EML4: variants seen among roughly 807,000 people sequenced by gnomAD.
EML4 encodes the protein EMAP like 4.
In EML4, 72 loss-of-function variants were observed where a neutral mutation model predicts 129.0. The observed-to-expected ratio is 0.56, with a 90% CI of 0.46 to 0.68. The LOEUF (loss-of-function observed/expected upper bound fraction) is 0.68, where lower values mean the gene tolerates loss of function less well. Ranked by LOEUF, EML4 falls within the 30% of genes least tolerant of loss-of-function variation. EML4 has a pLI of 0.00. For missense variants in EML4, 1,363 were observed against 1,190.6 expected (o/e 1.14, Z -2.13); for synonymous variants, 532 against 405.0 (o/e 1.31, Z -3.77).
intron 14 of EML4, 43 bp from the exon 15 acceptor site, chr2:42,303,061 G>T (rs1668381061): frequency 6.3e-7 from 1 of 1,588,408 alleles, no homozygotes; most frequent in African/African-American, 1.3e-5. Context: ...AGTAATTAAT[G>T]CATATTAGTA....
chr2:42,257,570 T>C (rs1201000049), intron 3 of EML4, among the ~76,000 whole-genome samples: 8 of 152,174 alleles, frequency 5.3e-5, no homozygotes, highest in Non-Finnish European at 1.2e-4. Context: ...GCACGGTGGC[T>C]CATGCCTGTA....
intron 4 of EML4, among the ~76,000 whole-genome samples, chr2:42,262,381 A>G (rs973538473): frequency 7.2e-5 from 11 of 152,218 alleles, no homozygotes; most frequent in African/African-American, 2.6e-4. Context: ...TTAACGTTAC[A>G]TAACTTTGGA....
At chr2:42,189,612 A>G (rs1671465236) in intron 1 of EML4, among the ~76,000 whole-genome samples, 1 of 152,200 alleles carries the variant, frequency 6.6e-6, no homozygotes, top group African/African-American at 2.4e-5. Context: ...TTTCAAAAAC[A>G]TGATCTCCTT....
rs1450052714 is a variant in EML4 at position 42,208,473 on chromosome 2, C to T, written c.26-37032C>T. Among the ~76,000 whole-genome samples, 10 of 146,806 alleles carry T rather than the reference C, an allele frequency of 6.8e-5. No individual in the cohort carries two copies. In the East Asian group the frequency reaches 1.2e-3, roughly 18 times the overall value. ...TTTTTTTTTGAGACAGAATCTCTGT[C>T]GCCCAGGCTGGAGTGCAGTGGTGCA... On this transcript the variant is annotated intron_variant, in intron 1 of 22. Coordinates refer to ENST00000318522, the MANE Select transcript of EML4 (RefSeq NM_019063.5).
rs148604988 is a variant in EML4, at chr2:42,280,973, C to T, written c.791C>T (p.Ala264Val). Residue 264 changes from alanine to valine, a missense_variant and splice_region_variant, in exon 7 of 23, where the codon GCA (alanine) becomes GTA (valine). Transcript: ENST00000318522. ...LPPEKLKLEW[A>V]YGYRGKDCRA... ...CCTGAGAAGCTCAAACTGGAGTGGGCGTATCCTTCTCTACCATGACAGCAA... is the reference window on the plus strand; with the variant it reads ...CCTGAGAAGCTCAAACTGGAGTGGGTGTATCCTTCTCTACCATGACAGCAA... 3.3e-5 allele frequency: 53 copies of T among 1,587,740 alleles called. No individual in the cohort carries two copies. The highest frequency in any genetic ancestry group is 1.7e-4 in the Middle Eastern group (1 of 5,926).
intron 2 of EML4, among the ~76,000 whole-genome samples, chr2:42,248,177 T>C (rs1675535539): frequency 6.6e-6 from 1 of 152,030 alleles, no homozygotes; most frequent in Admixed American, 6.6e-5. Flanking sequence ...AATCTCTCTA[T>C]GTTGCCCAAG....
Position 42,331,490 on chromosome 2 carries a change from C to G in EML4, c.*1283C>G, listed in dbSNP as rs558518651. ...GTAATTACTGACAAATATGTATTTC[C>G]TATATGTTTATACTTTGATTATAAA... On this transcript the variant is annotated 3_prime_UTR_variant, in exon 23 of 23. Transcript: ENST00000318522. 9.0e-6 allele frequency: 2 copies of G among 223,178 alleles called. No individual in the cohort carries two copies. Among genetic ancestry groups the G allele is most frequent in the South Asian group, 1.8e-4 (1 of 5,418 alleles). 13.8% of individuals were successfully genotyped at this position (223,178 alleles called of 1,614,324 possible). A position where few individuals can be genotyped will look rare whatever the true frequency, so the allele number is the denominator to read the frequency against.
intron 17 of EML4, among the ~76,000 whole-genome samples, chr2:42,309,426 C>T (rs1246697110): frequency 2.2e-5 from 3 of 137,244 alleles, no homozygotes; most frequent in African/African-American, 7.9e-5. Flanking sequence ...CCAAAACAAC[C>T]ACCACAAAAA....
Position 42,306,899 on chromosome 2 carries a change from T to TA in EML4, c.1967+2349dup, listed in dbSNP as rs538852813. Among the ~76,000 whole-genome samples the TA allele has an allele frequency of 1.3e-3, 203 of 152,326 alleles. 1 individual carries two copies. Among genetic ancestry groups the TA allele is most frequent in the African/African-American group, 4.4e-3 (183 of 41,588 alleles). ...GAAACCAAGACCCATAGAGTTCTGTTACCTGTGATTGAGCTCAGGTTCTGC... is the reference window on the plus strand; with the variant it reads ...GAAACCAAGACCCATAGAGTTCTGTTAACCTGTGATTGAGCTCAGGTTCTGC... On this transcript the variant is annotated intron_variant, in intron 17 of 22. Coordinates refer to ENST00000318522, the MANE Select transcript of EML4 (RefSeq NM_019063.5).
intron 1 of EML4, among the ~76,000 whole-genome samples, chr2:42,226,483 C>T (rs1231113901): frequency 6.6e-6 from 1 of 151,234 alleles, no homozygotes; most frequent in Admixed American, 6.6e-5. Context: ...CATGGTGAAA[C>T]CCTGTCTCTA....
intron 2 of EML4, among the ~76,000 whole-genome samples, chr2:42,254,393 G>A (rs1675985463): frequency 6.6e-6 from 1 of 151,752 alleles, no homozygotes; most frequent in Non-Finnish European, 1.5e-5. Flanking sequence ...GGGAGGCCGT[G>A]GCAGCAGTGA....
At chr2:42,183,637 C>T (rs1467932513) in intron 1 of EML4, among the ~76,000 whole-genome samples, 4 of 151,718 alleles carry the variant, frequency 2.6e-5, no homozygotes, top group Non-Finnish European at 5.9e-5. Flanking sequence ...ATTCTCAGTT[C>T]CTTTTTTTTA....
chr2:42,174,818 TTTG>T (rs1235748378), intron 1 of EML4, among the ~76,000 whole-genome samples: 5 of 152,044 alleles, frequency 3.3e-5, no homozygotes, highest in Non-Finnish European at 7.4e-5. Context: ...GTGGTTTTTT[TTTG>T]TTTGTTTGTT....
intron 13 of EML4, among the ~76,000 whole-genome samples, chr2:42,299,037 T>A (rs11695492): frequency 5.3e-5 from 8 of 152,076 alleles, no homozygotes; most frequent in Admixed American, 1.3e-4. Context: ...TAGATACTTA[T>A]CTACCTATGC....
intron 1 of EML4, among the ~76,000 whole-genome samples, chr2:42,217,007 A>T (rs903995565): frequency 2.6e-5 from 4 of 152,214 alleles, no homozygotes; most frequent in Admixed American, 1.3e-4. Context: ...TTAGAAAAAA[A>T]ATATACAGTT....
chr2:42,271,914 C>G (rs1249229779), intron 6 of EML4, among the ~76,000 whole-genome samples: 2 of 151,830 alleles, frequency 1.3e-5, no homozygotes, highest in South Asian at 2.1e-4. Context: ...ACCAGCCTGG[C>G]CAACATGGCA....
intron 11 of EML4, among the ~76,000 whole-genome samples, chr2:42,293,261 G>A (rs911251172): frequency 2.0e-5 from 3 of 151,506 alleles, no homozygotes; most frequent in African/African-American, 7.3e-5. Flanking sequence ...AGCGCGCACC[G>A]CCACGCCGGC....
chr2:42,293,338 C>T (rs950734185), intron 11 of EML4, among the ~76,000 whole-genome samples: 9 of 152,126 alleles, frequency 5.9e-5, no homozygotes, highest in Non-Finnish European at 1.0e-4. Flanking sequence ...CTGGCCTCAG[C>T]AGTCCTCCCA....
chr2:42,239,912 T>G (rs1221924431), intron 1 of EML4, among the ~76,000 whole-genome samples: 1 of 151,856 alleles, frequency 6.6e-6, no homozygotes, highest in Non-Finnish European at 1.5e-5. Context: ...TCTTAGAGAT[T>G]GGGAGGGAAA....
Sources: allele counts gnomAD v4.1 joint callset (sites outside exome capture counted in the v4.1 genomes callset), GRCh38; gene constraint gnomAD v4.1.1; transcripts MANE v1.5; gene names NCBI Gene and HGNC (gene_info 2026-07-23, HGNC 2026-07-21).